The following SGK3 variants were observed in gnomAD, a reference collection of about 807,000 sequenced individuals.
SGK3 encodes the protein serine/threonine-protein kinase Sgk3.
Under a neutral mutation model 68.5 loss-of-function variants are expected in SGK3, and 47 were observed. That is an observed-to-expected ratio of 0.69 (90% CI 0.54 to 0.87). SGK3 has a LOEUF of 0.87. SGK3 is among the 40% of genes least tolerant of loss of function. The pLI is 0.00. For synonymous variants in SGK3, 181 were observed against 189.1 expected, an observed-to-expected ratio of 0.96 and a Z score of 0.35; for missense variants, 479 against 575.5, an observed-to-expected ratio of 0.83 and a Z score of 1.72.
In SGK3 at chr8:66,839,543, ATATATATATATATATT is replaced by A. The variant is rs1194885019; in HGVS notation, c.742-458_742-443del. ...TATATATATATATATATATATATAT[ATATATATATATATATT>A]TTCATATGGGTTATATTTGTTCTGC... On this transcript the variant is annotated intron_variant, in intron 10 of 16. Coordinates refer to ENST00000521198, the MANE Select transcript of SGK3 (RefSeq NM_001033578.3). Among the ~76,000 whole-genome samples the A allele has an allele frequency of 1.5e-3, 110 of 73,424 alleles. 6 individuals are homozygous for A. Among genetic ancestry groups the A allele is most frequent in the African/African-American group, 5.6e-3 (99 of 17,750 alleles). 48.2% of individuals were successfully genotyped at this position (73,424 alleles called of 152,430 possible). A position where few individuals can be genotyped will look rare whatever the true frequency, so the allele number is the denominator to read the frequency against.
intron 1 of SGK3, among the ~76,000 whole-genome samples, chr8:66,757,568 GCTAT>G (rs888162423): frequency 9.9e-5 from 15 of 151,470 alleles, no homozygotes; most frequent in East Asian, 1.9e-4. Context: ...ATTTATATGG[GCTAT>G]CTATTTGTAC....
chr8:66,815,236 C>T (rs1389636711), intron 5 of SGK3, among the ~76,000 whole-genome samples: 2 of 152,292 alleles, frequency 1.3e-5, no homozygotes, highest in East Asian at 3.9e-4. Flanking sequence ...AAAACTGGAT[C>T]TCCTCTGACA....
In SGK3 at chr8:66,827,905, C is replaced by T. The variant is rs572424540; in HGVS notation, c.418-749C>T. Among the ~76,000 whole-genome samples the T allele has an allele frequency of 3.9e-3, 586 of 152,178 alleles. 8 individuals carry two copies. The highest frequency in any genetic ancestry group is 0.013 in the African/African-American group (524 of 41,540). Reference sequence around the variant, plus strand: ...TTGGGAGGCTAAGGCAGGCAGATCACGAAGTCAGGAGATCGAGACCATCCT... The same window carrying T: ...TTGGGAGGCTAAGGCAGGCAGATCATGAAGTCAGGAGATCGAGACCATCCT... On this transcript the variant is annotated intron_variant, in intron 6 of 16. Transcript: ENST00000521198.
intron 1 of SGK3, among the ~76,000 whole-genome samples, chr8:66,748,780 T>TA (rs1805721341): frequency 6.6e-6 from 1 of 152,234 alleles, no homozygotes; most frequent in Non-Finnish European, 1.5e-5. Context: ...GAGTTACTTT[T>TA]AAAAAGATGG....
chr8:66,727,913 A>C (rs1805028692), intron 1 of SGK3, among the ~76,000 whole-genome samples: 1 of 152,254 alleles, frequency 6.6e-6, no homozygotes, highest in Admixed American at 6.5e-5. Context: ...AAAAAGTCAC[A>C]AATAGTAAAT....
At chr8:66,718,791 G>A (rs1259054272) in intron 1 of SGK3, among the ~76,000 whole-genome samples, 1 of 152,072 alleles carries the variant, frequency 6.6e-6, no homozygotes, top group Non-Finnish European at 1.5e-5. Flanking sequence ...GCTTCCCAAA[G>A]TGCTGGAATT....
intron 16 of SGK3, among the ~76,000 whole-genome samples, chr8:66,857,183 C>T (rs897767012): frequency 5.3e-5 from 8 of 152,144 alleles, no homozygotes; most frequent in African/African-American, 1.9e-4. Context: ...AGGAAAAAAC[C>T]ATACATACGT....
At chr8:66,804,577 C>T in intron 4 of SGK3, 130 bp downstream of exon 4, 1 of 919,054 alleles carries the variant, frequency 1.1e-6, no homozygotes, top group South Asian at 2.0e-5. Flanking sequence ...AATAATGCCG[C>T]AGGAAGGTGC....
chr8:66,831,415 T>C, intron 8 of SGK3, 104 bp downstream of exon 8: 2 of 1,384,594 alleles, frequency 1.4e-6, no homozygotes, highest in Non-Finnish European at 2.0e-6. Context: ...GGTGCAGTCA[T>C]AGCACACTTG....
intron 1 of SGK3, among the ~76,000 whole-genome samples, chr8:66,757,830 G>T (rs889265216): frequency 6.7e-6 from 1 of 150,060 alleles, no homozygotes; most frequent in African/African-American, 2.5e-5. Context: ...CAGGAGAATC[G>T]CTTGAGCCCA....
chr8:66,729,413 G>T (rs965118606), intron 1 of SGK3, among the ~76,000 whole-genome samples: 2 of 151,454 alleles, frequency 1.3e-5, no homozygotes, highest in Admixed American at 6.6e-5. Context: ...CCGAGATCGC[G>T]CCACTGCACT....
intron 14 of SGK3, among the ~76,000 whole-genome samples, chr8:66,844,301 C>T (rs1252436337): frequency 1.3e-5 from 2 of 152,072 alleles, no homozygotes; most frequent in Admixed American, 1.3e-4. Flanking sequence ...TACACAGGTG[C>T]TCAGCTTTTC....
chr8:66,839,923 T>A, intron 10 of SGK3, 80 bp from the exon 11 acceptor site: 1 of 1,300,414 alleles, frequency 7.7e-7, no homozygotes, highest in Non-Finnish European at 1.1e-6. Flanking sequence ...CCTTTGTATT[T>A]ACCGAATATA....
intron 1 of SGK3, among the ~76,000 whole-genome samples, chr8:66,736,196 T>G (rs770732573): frequency 6.6e-6 from 1 of 152,208 alleles, no homozygotes; most frequent in Non-Finnish European, 1.5e-5. Context: ...AGGATTGTTA[T>G]TAAGCTTAGA....
chr8:66,853,698 G>A (rs1810390678), intron 16 of SGK3, among the ~76,000 whole-genome samples: 1 of 152,060 alleles, frequency 6.6e-6, no homozygotes, highest in Non-Finnish European at 1.5e-5. Context: ...ATGCATTCTG[G>A]ATTCTCTTTT....
intron 15 of SGK3, among the ~76,000 whole-genome samples, chr8:66,849,306 C>T (rs929686650): frequency 2.0e-5 from 3 of 152,172 alleles, no homozygotes; most frequent in African/African-American, 7.2e-5. Flanking sequence ...CCCCTGTGCT[C>T]CCTTTTGTAT....
At chr8:66,788,070 C>T (rs143643419) in intron 1 of SGK3, among the ~76,000 whole-genome samples, 10 of 152,304 alleles carry the variant, frequency 6.6e-5, no homozygotes, top group African/African-American at 2.2e-4. Flanking sequence ...CATAAACAAG[C>T]GTGCCTTTTT....
Position 66,747,456 on chromosome 8 carries a change from G to T in SGK3, c.-122+34623G>T, listed in dbSNP as rs145961021. On this transcript the variant is annotated intron_variant, in intron 1 of 16. Coordinates refer to ENST00000521198, the MANE Select transcript of SGK3 (RefSeq NM_001033578.3). Reference sequence around the variant, plus strand: ...AGAATGCCTGTTTTAGAAAGTCCAGGGCTAGACTTGCAGGAGAACTAAAGG... The same window carrying T: ...AGAATGCCTGTTTTAGAAAGTCCAGTGCTAGACTTGCAGGAGAACTAAAGG... 1.0e-3 allele frequency among the ~76,000 whole-genome samples: 157 copies of T among 152,214 alleles called. 2 individuals are homozygous for T. The highest frequency in any genetic ancestry group is 8.0e-3 in the Admixed American group (122 of 15,286).
At chr8:66,730,052 C>T (rs1298807483) in intron 1 of SGK3, among the ~76,000 whole-genome samples, 1 of 152,114 alleles carries the variant, frequency 6.6e-6, no homozygotes, top group Non-Finnish European at 1.5e-5. Context: ...AGCCACCGTG[C>T]CCAGCCCTAC....
Sources: gnomAD v4.1 joint callset for allele counts (sites outside exome capture counted in the v4.1 genomes callset) on GRCh38, gnomAD v4.1.1 for gene constraint, MANE v1.5 for transcripts, NCBI Gene and HGNC (gene_info 2026-07-23, HGNC 2026-07-21) for gene names.